Variants in BRD4 observed in about 807,000 individuals in gnomAD.
BRD4 encodes the protein bromodomain-containing protein 4.
BRD4 carries 16 observed loss-of-function variants against 142.1 expected under a neutral mutation model. The ratio of observed to expected loss-of-function variants is 0.11; its 90% CI spans 0.08 to 0.17. The LOEUF (loss-of-function observed/expected upper bound fraction) is 0.17. Ranked by LOEUF, BRD4 falls within the 10% of genes least tolerant of loss-of-function variation. BRD4 has a pLI of 1.00. For missense variants in BRD4, 1,424 were observed against 1,810.9 expected (o/e 0.79, Z 3.88); for synonymous variants, 833 against 707.5 (o/e 1.18, Z -2.82).
intron 1 of BRD4, among the ~76,000 whole-genome samples, chr19:15,298,971 GCAA>G (rs2047846595): frequency 6.6e-6 from 1 of 152,200 alleles, no homozygotes; most frequent in Admixed American, 6.5e-5. Flanking sequence ...CCCAGGTGTA[GCAA>G]CAACCCTCTT....
intron 1 of BRD4, among the ~76,000 whole-genome samples, chr19:15,319,721 C>T (rs1358800613): frequency 6.6e-6 from 1 of 152,102 alleles, no homozygotes. Flanking sequence ...TGCTTAAGCC[C>T]AGGACTCCAG....
chr19:15,262,987 T>C (rs1476276022), intron 7 of BRD4, among the ~76,000 whole-genome samples: 7 of 152,332 alleles, frequency 4.6e-5, no homozygotes, highest in East Asian at 1.9e-4. Flanking sequence ...ATTGTGGCCA[T>C]GTGGAAACAA....
rs767133260 is a variant in BRD4 at position 15,265,416 on chromosome 19, G to C, written c.787C>G (p.Pro263Ala). ...TGGCTCTGTACGGGCTGGGGAGCTG[G>C]AGCGGGTGGGGGTTGTGGCTGGGGG... is the stretch of plus-strand genomic sequence containing the variant. ...VPPQPQPPPA[P>A]APQPVQSHPP... Residue 263 changes from proline (P) to alanine (A), a missense_variant, in exon 5 of 20, where the codon CCA (proline) becomes GCA (alanine). Around this residue, in one of 16 missense-constraint regions of BRD4, gnomAD observed 140 missense variants for 131.7 expected, o/e 1.06. Coordinates refer to ENST00000679869, the MANE Select transcript of BRD4 (RefSeq NM_001379291.1). 11 of 1,549,938 alleles carry C rather than the reference G, an allele frequency of 7.1e-6. No individual in the cohort carries two copies. The highest frequency in any genetic ancestry group is 2.7e-5 in the African/African-American group (2 of 73,320).
intron 1 of BRD4, among the ~76,000 whole-genome samples, chr19:15,320,569 A>G (rs951768068): frequency 6.6e-6 from 1 of 152,210 alleles, no homozygotes; most frequent in African/African-American, 2.4e-5. Context: ...TTTAAACTTT[A>G]TATCTACCTG....
Position 15,295,959 on chromosome 19 carries a change from G to A in BRD4, c.-34-22826C>T, listed in dbSNP as rs143968678. Among the ~76,000 whole-genome samples the A allele has an allele frequency of 4.7e-4, 71 of 152,200 alleles. No individual in the cohort carries two copies. In the East Asian group the frequency reaches 0.012, roughly 26 times the overall value. On this transcript the variant is annotated intron_variant, in intron 1 of 19. Coordinates refer to ENST00000679869, the MANE Select transcript of BRD4 (RefSeq NM_001379291.1). ...GCACTCCAGCCTGGGCAACAAAGGC[G>A]AAACTCAGTCTCCAAAAAAAACTGT...
At chr19:15,302,802 G>A (rs987241762) in intron 1 of BRD4, among the ~76,000 whole-genome samples, 1 of 151,186 alleles carries the variant, frequency 6.6e-6, no homozygotes, top group African/African-American at 2.4e-5. Flanking sequence ...TTAGGAGATC[G>A]AGACCATCCT....
At chr19:15,313,239 G>A (rs1051206224) in intron 1 of BRD4, among the ~76,000 whole-genome samples, 6 of 151,942 alleles carry the variant, frequency 3.9e-5, no homozygotes, top group Admixed American at 2.0e-4. Context: ...CGGGCGTGGT[G>A]GCGGACAGCT....
At position 15,235,570 on chromosome 19, in the gene BRD4, A is replaced by C. The variant is rs536276718; in HGVS notation, c.*2807T>G. 2.1e-4 allele frequency: 32 copies of C among 152,206 alleles called. No individual in the cohort carries two copies. The highest frequency in any genetic ancestry group is 7.9e-4 in the Admixed American group (12 of 15,280). 9.4% of individuals were successfully genotyped at this position (152,206 alleles called of 1,614,324 possible). On this transcript the variant is annotated 3_prime_UTR_variant, in exon 20 of 20. Transcript: ENST00000679869. ...ATTTTTGCAATGAGAACTGCACAAA[A>C]AAAAAAAAAAACCTTTCGTATGTAA...
chr19:15,237,040 A>T lies in BRD4; in HGVS notation c.*1337T>A. On this transcript the variant is annotated 3_prime_UTR_variant, in exon 20 of 20. Transcript: ENST00000679869. ...ATTAAAAAAAAAAAAAAAAAAAAGC[A>T]TGGGCAGGAGCGGCCAGCTGGTTGG... 1 of 194,180 alleles carries T rather than the reference A, an allele frequency of 5.1e-6. No homozygotes were observed. The highest frequency in any genetic ancestry group is 1.1e-5 in the Non-Finnish European group (1 of 94,900). The allele number at this position is 194,180 out of a possible 1,614,324, so 12.0% of individuals were successfully genotyped here. A position where few individuals can be genotyped will look rare whatever the true frequency, so the allele number is the denominator to read the frequency against.
At position 15,306,687 on chromosome 19, in the gene BRD4, G is replaced by C. The variant is rs1341206748; in HGVS notation, c.-35+25603C>G. Among the ~76,000 whole-genome samples the C allele has an allele frequency of 4.6e-5, 7 of 152,136 alleles. No individual in the cohort carries two copies. In the East Asian group the frequency reaches 1.3e-3, roughly 29 times the overall value. On this transcript the variant is annotated intron_variant, in intron 1 of 19. Coordinates refer to ENST00000679869, the MANE Select transcript of BRD4 (RefSeq NM_001379291.1). ...AATTTTAAGACAGTTGTGTCTCAAG[G>C]AATAGAGAGGTCTGAGGAGAGGAAA... is the stretch of plus-strand genomic sequence containing the variant.
chr19:15,265,199 C>T (rs1431040608), intron 5 of BRD4, among the ~76,000 whole-genome samples, 155 bp downstream of exon 5: 2 of 152,170 alleles, frequency 1.3e-5, no homozygotes, highest in East Asian at 1.9e-4. Context: ...GTCAGTGGGG[C>T]GGCTGTTTCT....
At chr19:15,308,784 G>T (rs773186985) in intron 1 of BRD4, among the ~76,000 whole-genome samples, 6 of 152,050 alleles carry the variant, frequency 3.9e-5, no homozygotes, top group Non-Finnish European at 7.4e-5. Flanking sequence ...GGGAGGCCGA[G>T]GCGGGAGGAT....
intron 7 of BRD4, among the ~76,000 whole-genome samples, chr19:15,257,951 T>G (rs558793010): frequency 6.6e-6 from 1 of 152,144 alleles, no homozygotes; most frequent in African/African-American, 2.4e-5. Context: ...ACAGCAGCCA[T>G]GCATGGACAC....
At chr19:15,270,502 A>G (rs1217239407) in intron 2 of BRD4, among the ~76,000 whole-genome samples, 62 of 152,314 alleles carry the variant, frequency 4.1e-4, no homozygotes. Flanking sequence ...GATCTATCCC[A>G]GTGGAAATTT....
chr19:15,289,141 A>C (rs1042774199), intron 1 of BRD4, among the ~76,000 whole-genome samples: 3 of 152,280 alleles, frequency 2.0e-5, no homozygotes, highest in African/African-American at 7.2e-5. Context: ...GGTTCTGACA[A>C]CTAGTGCCCT....
Position 15,265,369 on chromosome 19 carries a change from G to A in BRD4, c.834C>T (p.Thr278=), listed in dbSNP as rs2047520466. Residue 278 remains threonine, a synonymous_variant, in exon 5 of 20, where the codon ACC becomes ACT. Transcript: ENST00000679869. ...VQSHPPIIAA[T]PQPVKTKKGV... Reference sequence around the variant, plus strand: ...GGAGACTCACCTTCACAGGCTGTGGGGTGGCCGCGATGATGGGTGGGTGGC... The same window carrying A: ...GGAGACTCACCTTCACAGGCTGTGGAGTGGCCGCGATGATGGGTGGGTGGC... 2 of 1,514,266 alleles carry A rather than the reference G, an allele frequency of 1.3e-6. No individual in the cohort carries two copies. Among genetic ancestry groups the A allele is most frequent in the South Asian group, 1.3e-5 (1 of 74,312 alleles). 93.8% of individuals were successfully genotyped at this position (1,514,266 alleles called of 1,614,324 possible). A position where few individuals can be genotyped will look rare whatever the true frequency, so the allele number is the denominator to read the frequency against.
rs779067833 is a variant in BRD4, at chr19:15,243,009, G to A, written c.3060C>T (p.Pro1020=). 2 of 1,545,698 alleles carry A rather than the reference G, an allele frequency of 1.3e-6. No individual in the cohort carries two copies. The highest frequency in any genetic ancestry group is 8.7e-7 in the Non-Finnish European group (1 of 1,147,004). The change falls in exon 14 of 20, where the codon CCC becomes CCT. Residue 1020 remains proline, a synonymous_variant. Coordinates refer to ENST00000679869, the MANE Select transcript of BRD4 (RefSeq NM_001379291.1). ...GTGGCTGCTGGCCTGGGGGCGGATG[G>A]GGGGGCTGCTGGCCCTGGGGTGGCG... ...QPPPPQGQQP[P]HPPPGQQPPP... is the part of the protein sequence containing the mutation.
At chr19:15,245,923 C>T (rs532178911) in intron 11 of BRD4, among the ~76,000 whole-genome samples, 5 of 152,298 alleles carry the variant, frequency 3.3e-5, no homozygotes, top group East Asian at 1.9e-4. Flanking sequence ...GGATCTGCTT[C>T]GTGGAGGGCC....
At chr19:15,264,066 A>T (rs1230216845) in intron 6 of BRD4, 1 of 277,868 alleles carries the variant, frequency 3.6e-6, no homozygotes, top group African/African-American at 2.2e-5. Flanking sequence ...AGAGGCTGGC[A>T]AGGCCGCCAA....
Sources: allele counts gnomAD v4.1 joint callset (sites outside exome capture counted in the v4.1 genomes callset), GRCh38; gene constraint gnomAD v4.1.1; regional missense constraint gnomAD v4.1.1; transcripts MANE v1.5; gene names NCBI Gene and HGNC (gene_info 2026-07-23, HGNC 2026-07-21).